The following FHIT variants were observed in gnomAD, a reference collection of about 807,000 sequenced individuals.
The protein encoded by FHIT is fragile histidine triad diadenosine triphosphatase.
A neutral mutation model predicts 17.9 loss-of-function variants in FHIT; 19 were observed. The ratio of observed to expected loss-of-function variants is 1.06; its 90% CI spans 0.74 to 1.56. The LOEUF (loss-of-function observed/expected upper bound fraction) is 1.56. FHIT is among the 40% of genes most tolerant of loss of function. The probability of loss-of-function intolerance (pLI) is 0.00; values close to 1 mark genes in which losing one functional copy is unlikely to be tolerated. For missense variants in FHIT, 248 were observed against 189.2 expected (o/e 1.31, Z -1.82); for synonymous variants, 81 against 69.7 (o/e 1.16, Z -0.81).
At chr3:59,961,070 T>G (rs1206624332) in intron 7 of FHIT, among the ~76,000 whole-genome samples, 1 of 152,190 alleles carries the variant, frequency 6.6e-6, no homozygotes, top group East Asian at 1.9e-4. Context: ...GAATCGTGAA[T>G]TTGAGGCCTA....
chr3:60,616,382 T>C (rs782259136), intron 4 of FHIT, among the ~76,000 whole-genome samples: 5 of 152,208 alleles, frequency 3.3e-5, no homozygotes, highest in Admixed American at 6.5e-5. Context: ...GATTATGATG[T>C]GCACAGGTGT....
At chr3:60,027,718 T>A (rs1335860340) in intron 5 of FHIT, among the ~76,000 whole-genome samples, 2 of 108,282 alleles carry the variant, frequency 1.8e-5, no homozygotes, top group Non-Finnish European at 3.5e-5. Context: ...TCCATTTAGT[T>A]TATAAAAAAA....
intron 3 of FHIT, among the ~76,000 whole-genome samples, chr3:60,828,851 C>G (rs1702216391): frequency 6.6e-6 from 1 of 152,104 alleles, no homozygotes; most frequent in Admixed American, 6.6e-5. Flanking sequence ...GAACTCCAGC[C>G]TGGGCAACAA....
chr3:61,056,755 T>A (rs928282806), intron 2 of FHIT, among the ~76,000 whole-genome samples: 1 of 152,214 alleles, frequency 6.6e-6, no homozygotes, highest in East Asian at 1.9e-4. Flanking sequence ...ATGAGACTTT[T>A]TATTTTTGGT....
intron 5 of FHIT, among the ~76,000 whole-genome samples, chr3:60,479,712 G>C (rs1394328576): frequency 1.3e-5 from 2 of 152,174 alleles, no homozygotes; most frequent in Non-Finnish European, 2.9e-5. Flanking sequence ...TCAGATCAGA[G>C]TCGGTATTAG....
chr3:60,956,086 A>C (rs143725230), intron 3 of FHIT, among the ~76,000 whole-genome samples: 1 of 152,266 alleles, frequency 6.6e-6, no homozygotes, highest in African/African-American at 2.4e-5. Flanking sequence ...CTAACAGTCA[A>C]CTCATGTACC....
At chr3:60,361,670 A>G (rs1699911760) in intron 5 of FHIT, among the ~76,000 whole-genome samples, 4 of 152,178 alleles carry the variant, frequency 2.6e-5, no homozygotes, top group Admixed American at 1.3e-4. Context: ...AAGCAATACA[A>G]TATTTCAGAC....
chr3:60,256,486 T>C (rs1435676960), intron 5 of FHIT, among the ~76,000 whole-genome samples: 3 of 152,194 alleles, frequency 2.0e-5, no homozygotes, highest in Admixed American at 1.3e-4. Context: ...CAAAATGTTA[T>C]CTTGCTTAAT....
At chr3:60,378,538 G>T (rs75553221) in intron 5 of FHIT, among the ~76,000 whole-genome samples, 1 of 151,880 alleles carries the variant, frequency 6.6e-6, no homozygotes, top group South Asian at 2.1e-4. Context: ...CCAATTCCTT[G>T]GTATTTCAAA....
intron 3 of FHIT, among the ~76,000 whole-genome samples, chr3:60,996,344 T>C (rs191522658): frequency 1.3e-5 from 2 of 152,310 alleles, no homozygotes; most frequent in East Asian, 3.9e-4. Context: ...TTAATTAAAA[T>C]GGGATGATGA....
chr3:60,936,036 G>A (rs1271236121), intron 3 of FHIT, among the ~76,000 whole-genome samples: 2 of 152,162 alleles, frequency 1.3e-5, no homozygotes, highest in Non-Finnish European at 2.9e-5. Context: ...GCCCTTGTAG[G>A]TGAACTTCCT....
intron 5 of FHIT, among the ~76,000 whole-genome samples, chr3:60,206,986 T>C (rs1252190510): frequency 6.6e-6 from 1 of 152,294 alleles, no homozygotes; most frequent in Non-Finnish European, 1.5e-5. Flanking sequence ...CTCAAAAGGA[T>C]ATATGTGTGT....
chr3:60,206,639 T>C (rs1703205933), intron 5 of FHIT, among the ~76,000 whole-genome samples: 1 of 152,134 alleles, frequency 6.6e-6, no homozygotes, highest in African/African-American at 2.4e-5. Context: ...CCTTGTATGA[T>C]TAGCTTAATT....
At chr3:60,079,271 A>G (rs568520374) in intron 5 of FHIT, among the ~76,000 whole-genome samples, 1 of 152,268 alleles carries the variant, frequency 6.6e-6, no homozygotes, top group Non-Finnish European at 1.5e-5. Context: ...CTAGGTCAGG[A>G]GCAGAAACAC....
At chr3:60,711,321 G>A (rs958972903) in intron 4 of FHIT, among the ~76,000 whole-genome samples, 8 of 152,022 alleles carry the variant, frequency 5.3e-5, no homozygotes, top group Non-Finnish European at 1.0e-4. Context: ...ACAAAGATGG[G>A]GAAAAAACAA....
intron 5 of FHIT, among the ~76,000 whole-genome samples, chr3:60,495,408 C>T (rs145643386): frequency 2.3e-4 from 35 of 152,234 alleles, no homozygotes; most frequent in Admixed American, 9.2e-4. Context: ...TTTCCCAAAA[C>T]TATTCCAAAA....
chr3:60,108,665 C>CT (rs67464031), intron 5 of FHIT, among the ~76,000 whole-genome samples: 4,408 of 143,876 alleles, frequency 0.031, 94 homozygotes, highest in East Asian at 0.065. Flanking sequence ...AGTTACTTCT[C>CT]TTTTTTTTTT....
At chr3:60,677,194 A>C (rs1553695595) in intron 4 of FHIT, among the ~76,000 whole-genome samples, 1 of 152,080 alleles carries the variant, frequency 6.6e-6, no homozygotes, top group Non-Finnish European at 1.5e-5. Context: ...TAATTACGTA[A>C]ATTAAAGGGG....
intron 8 of FHIT, among the ~76,000 whole-genome samples, chr3:59,904,227 TA>T (rs10691217): frequency 3.6e-4 from 48 of 132,304 alleles, no homozygotes; most frequent in East Asian, 1.5e-3. Flanking sequence ...AAATCATGGT[TA>T]AAAAAAAAAA....
Sources: gnomAD v4.1 joint callset for allele counts (sites outside exome capture counted in the v4.1 genomes callset) on GRCh38, gnomAD v4.1.1 for gene constraint, MANE v1.5 for transcripts, NCBI Gene and HGNC (gene_info 2026-07-23, HGNC 2026-07-21) for gene names.